Variants in LRRC37A2 observed in about 807,000 individuals in gnomAD.
LRRC37A2 encodes leucine rich repeat containing 37 member A2.
LRRC37A2 carries 9 observed loss-of-function variants against 68.8 expected under a neutral mutation model. That is an observed-to-expected ratio of 0.13 (90% CI 0.08 to 0.23). The LOEUF is 0.23. Ranked by LOEUF, LRRC37A2 falls within the 10% of genes least tolerant of loss-of-function variation. The pLI is 1.00. For missense variants in LRRC37A2, 168 were observed against 950.4 expected (o/e 0.18, Z 10.82); for synonymous variants, 63 against 367.6 (o/e 0.17, Z 9.48).
At chr17:47,003,624 CTTTT>C in the LRRC37A2 span, among the ~76,000 whole-genome samples, 1 of 152,200 alleles carries the variant, frequency 6.6e-6, no homozygotes, top group African/African-American at 2.4e-5. Context: ...GTAGCATGTT[CTTTT>C]TTTAATTACG....
the LRRC37A2 span, chr17:46,714,007 T>C: frequency 6.3e-7 from 1 of 1,595,894 alleles, no homozygotes; most frequent in South Asian, 1.1e-5. Context: ...TTTACTTTCA[T>C]TTTAATTTCC....
the LRRC37A2 span, among the ~76,000 whole-genome samples, chr17:46,727,655 A>G: frequency 6.6e-6 from 1 of 152,152 alleles, no homozygotes; most frequent in Non-Finnish European, 1.5e-5. Context: ...TGGGTCTGCT[A>G]GGTTTGATAC....
At chr17:46,771,651 CCGCCGGG>C in the LRRC37A2 span, among the ~76,000 whole-genome samples, 1 of 144,186 alleles carries the variant, frequency 6.9e-6, no homozygotes, top group Non-Finnish European at 1.5e-5. Flanking sequence ...CGGGCCCGGG[CCGCCGGG>C]CCGGCCGCCA....
the LRRC37A2 span, among the ~76,000 whole-genome samples, chr17:46,595,492 C>CT: frequency 0.016 from 1,545 of 95,930 alleles, 43 homozygotes; most frequent in Admixed American, 0.049. Flanking sequence ...ATCACTGGAT[C>CT]TTTTTTTTTT....
chr17:46,659,964 TACCCAATG>T, the LRRC37A2 span, among the ~76,000 whole-genome samples: 1 of 94,846 alleles, frequency 1.1e-5, no homozygotes. Flanking sequence ...CCTCCTTTAC[TACCCAATG>T]AGCAAAGAAT....
At chr17:46,981,916 G>A in the LRRC37A2 span, among the ~76,000 whole-genome samples, 1 of 152,048 alleles carries the variant, frequency 6.6e-6, no homozygotes, top group Non-Finnish European at 1.5e-5. Flanking sequence ...TGCCCAGGAT[G>A]GTCTCGAACT....
At chr17:46,835,179 T>A in the LRRC37A2 span, among the ~76,000 whole-genome samples, 2 of 152,130 alleles carry the variant, frequency 1.3e-5, no homozygotes, top group African/African-American at 4.8e-5. Context: ...TTATTTTTAG[T>A]AGACAGATGA....
the LRRC37A2 span, among the ~76,000 whole-genome samples, chr17:46,880,613 G>A: frequency 3.9e-5 from 6 of 152,308 alleles, no homozygotes; most frequent in African/African-American, 7.2e-5. Context: ...CATGGTCCCC[G>A]TAATGGATAA....
the LRRC37A2 span, chr17:47,018,773 T>C: frequency 6.6e-7 from 1 of 1,521,200 alleles, no homozygotes; most frequent in Non-Finnish European, 9.1e-7. Context: ...AGTTTCCTAA[T>C]GTAGTTGTAG....
chr17:46,823,702 A>T, the LRRC37A2 span, among the ~76,000 whole-genome samples: 7 of 151,496 alleles, frequency 4.6e-5, no homozygotes, highest in Admixed American at 2.0e-4. Flanking sequence ...GGTCTCCCAA[A>T]GTGCTGGGAT....
At chr17:46,558,315 C>T (rs1272788011), downstream of LRRC37A2, among the ~76,000 whole-genome samples, 2 of 110,096 alleles carry the variant, frequency 1.8e-5, no homozygotes, top group Non-Finnish European at 3.6e-5. Flanking sequence ...CCGCCCTGGC[C>T]TCCCAAAGGG....
At chr17:47,000,078 AAATAAAATAAAAT>A in the LRRC37A2 span, among the ~76,000 whole-genome samples, 1 of 5,084 alleles carries the variant, frequency 2.0e-4, no homozygotes, top group African/African-American at 3.5e-4. Flanking sequence ...ATAAAATAAA[AAATAAAATAAAAT>A]AAAATAAAAT....
chr17:46,752,447 A>T, the LRRC37A2 span, among the ~76,000 whole-genome samples: 2 of 151,956 alleles, frequency 1.3e-5, no homozygotes, highest in African/African-American at 2.4e-5. Context: ...GTGCTCAGTA[A>T]ACTTTTATTA....
At chr17:46,922,050 A>G in the LRRC37A2 span, among the ~76,000 whole-genome samples, 1 of 152,388 alleles carries the variant, frequency 6.6e-6, no homozygotes, top group South Asian at 2.1e-4. Flanking sequence ...TTATTGCAGC[A>G]CTATTCACAA....
the LRRC37A2 span, among the ~76,000 whole-genome samples, chr17:46,799,127 T>C: frequency 2.9e-3 from 437 of 151,996 alleles, 5 homozygotes; most frequent in African/African-American, 0.01. Context: ...GAGGCCTTTG[T>C]GAGTACTCTG....
the LRRC37A2 span, among the ~76,000 whole-genome samples, chr17:46,635,814 TGTGTGCTC>T: frequency 5.2e-3 from 734 of 142,002 alleles, 93 homozygotes; most frequent in Non-Finnish European, 8.1e-3. Flanking sequence ...TGTGTGTGTG[TGTGTGCTC>T]GTGTGTGAAG....
At chr17:46,752,231 CT>C in the LRRC37A2 span, among the ~76,000 whole-genome samples, 1 of 152,194 alleles carries the variant, frequency 6.6e-6, no homozygotes, top group African/African-American at 2.4e-5. Flanking sequence ...GATGAAACTT[CT>C]TTGGGACTTT....
the LRRC37A2 span, chr17:46,979,382 C>T: frequency 1.2e-5 from 2 of 168,330 alleles, no homozygotes; most frequent in East Asian, 3.4e-4. Flanking sequence ...GCAGCCTCCC[C>T]GGAGTCCCGG....
At chr17:47,000,021 A>ATAG in the LRRC37A2 span, among the ~76,000 whole-genome samples, 1 of 18,812 alleles carries the variant, frequency 5.3e-5, no homozygotes, top group Admixed American at 1.1e-3. Flanking sequence ...AATAAAATAA[A>ATAG]ATAAAATAAA....
Sources: allele counts gnomAD v4.1 joint callset (sites outside exome capture counted in the v4.1 genomes callset), GRCh38; gene constraint gnomAD v4.1.1; transcripts MANE v1.5; gene names NCBI Gene and HGNC (gene_info 2026-07-23, HGNC 2026-07-21).